Variants in CHAT observed in about 807,000 individuals in gnomAD.
CHAT encodes the protein choline O-acetyltransferase.
A neutral mutation model predicts 76.9 loss-of-function variants in CHAT; 61 were observed. The ratio of observed to expected loss-of-function variants is 0.79; its 90% CI spans 0.65 to 0.98. The LOEUF (loss-of-function observed/expected upper bound fraction) is 0.98, where lower values mean the gene tolerates loss of function less well. Ranked by LOEUF, CHAT falls within the 50% of genes least tolerant of loss-of-function variation. The pLI is 0.00. For synonymous variants in CHAT, 407 were observed against 397.4 expected (o/e 1.02, Z -0.29); for missense variants, 946 against 986.9 (o/e 0.96, Z 0.56).
intron 10 of CHAT, among the ~76,000 whole-genome samples, chr10:49,649,887 T>C (rs1009296991): frequency 6.8e-6 from 1 of 147,694 alleles, no homozygotes; most frequent in East Asian, 2.0e-4. Context: ...TTTTTTTTTT[T>C]TTTTTTTCAG....
intron 7 of CHAT, among the ~76,000 whole-genome samples, chr10:49,633,392 C>T (rs527990950): frequency 1.8e-4 from 27 of 152,104 alleles, no homozygotes; most frequent in Non-Finnish European, 4.0e-4. Context: ...GTTACACCTG[C>T]GAGGTGGGAT....
At chr10:49,636,203 A>C (rs541857744) in intron 7 of CHAT, among the ~76,000 whole-genome samples, 1 of 152,182 alleles carries the variant, frequency 6.6e-6, no homozygotes, top group South Asian at 2.1e-4. Flanking sequence ...CTAGTTCAAT[A>C]AGAGATTTTA....
chr10:49,611,952 G>A, upstream of CHAT: 1 of 1,612,520 alleles, frequency 6.2e-7, no homozygotes, highest in South Asian at 1.1e-5. Flanking sequence ...TGCTGCCCAC[G>A]CTCGCCTTCC....
intron 7 of CHAT, among the ~76,000 whole-genome samples, chr10:49,633,345 CT>C (rs1839188206): frequency 6.6e-6 from 1 of 152,210 alleles, no homozygotes; most frequent in Non-Finnish European, 1.5e-5. Context: ...CCAGGTCCCC[CT>C]CTGGCTTGCT....
intron 7 of CHAT, among the ~76,000 whole-genome samples, chr10:49,640,895 T>G (rs1839457592): frequency 6.6e-6 from 1 of 152,256 alleles, no homozygotes; most frequent in African/African-American, 2.4e-5. Context: ...TTTACGTTGC[T>G]GGGTTCTTCA....
intron 7 of CHAT, among the ~76,000 whole-genome samples, chr10:49,636,203 A>G (rs541857744): frequency 6.6e-6 from 1 of 152,300 alleles, no homozygotes; most frequent in Admixed American, 6.5e-5. Context: ...CTAGTTCAAT[A>G]AGAGATTTTA....
chr10:49,617,720 C>T (rs553925367), intron 2 of CHAT, among the ~76,000 whole-genome samples: 1 of 152,192 alleles, frequency 6.6e-6, no homozygotes, highest in East Asian at 1.9e-4. Context: ...GGTGCTCACC[C>T]ACCCATCACA....
rs1037559995 is a variant in CHAT at position 49,666,264 on chromosome 10, A to G, written c.*1218A>G. Reference sequence around the variant, plus strand: ...CAGCCCCAGCTCCAGCTCCAGCCCCAGCTCCAGCTCCAGCCCCAGCTCCAG... The same window carrying G: ...CAGCCCCAGCTCCAGCTCCAGCCCCGGCTCCAGCTCCAGCCCCAGCTCCAG... On this transcript the variant is annotated 3_prime_UTR_variant, in exon 15 of 15. Transcript: ENST00000337653. Among the ~76,000 whole-genome samples the G allele has an allele frequency of 2.6e-5, 4 of 152,216 alleles. No homozygotes were observed. The highest frequency in any genetic ancestry group is 9.6e-5 in the African/African-American group (4 of 41,554).
intron 13 of CHAT, among the ~76,000 whole-genome samples, chr10:49,657,892 T>G (rs969677217): frequency 7.9e-5 from 12 of 152,352 alleles, no homozygotes; most frequent in African/African-American, 2.9e-4. Context: ...CATTTTAATA[T>G]TGAAGAAGAG....
chr10:49,633,991 T>C (rs2132756310), intron 7 of CHAT, among the ~76,000 whole-genome samples: 1 of 152,354 alleles, frequency 6.6e-6, no homozygotes, highest in South Asian at 2.1e-4. Context: ...CATCCAGAGC[T>C]AGGCATGTCT....
At chr10:49,611,344 G>A (rs1350019805), upstream of CHAT, 16 of 1,602,040 alleles carry the variant, frequency 1.0e-5, no homozygotes, top group Non-Finnish European at 1.4e-5. Flanking sequence ...CATGATCGCC[G>A]ATAAGTACCC....
At chr10:49,660,723 G>T (rs1840168311) in intron 13 of CHAT, among the ~76,000 whole-genome samples, 4 of 152,112 alleles carry the variant, frequency 2.6e-5, no homozygotes, top group Admixed American at 2.0e-4. Flanking sequence ...ACCCTCCAAA[G>T]CATTGCCATA....
At chr10:49,625,449 T>G in intron 5 of CHAT, 24 bp from the exon 6 acceptor site, 1 of 1,611,072 alleles carries the variant, frequency 6.2e-7, no homozygotes, top group Non-Finnish European at 8.5e-7. Context: ...CGTGGCTGCC[T>G]CCCTTCCCAC....
intron 4 of CHAT, among the ~76,000 whole-genome samples, chr10:49,621,486 A>C (rs1251085643): frequency 6.6e-6 from 1 of 152,204 alleles, no homozygotes; most frequent in Non-Finnish European, 1.5e-5. Context: ...CTGGTATGAC[A>C]GTTCCCGCTG....
chr10:49,640,473 G>C (rs1427324535), intron 7 of CHAT, among the ~76,000 whole-genome samples: 2 of 150,206 alleles, frequency 1.3e-5, no homozygotes, highest in Non-Finnish European at 3.0e-5. Flanking sequence ...GACACCCTGG[G>C]GGAGGGGACT....
intron 1 of CHAT, 97 bp downstream of exon 1, chr10:49,614,572 G>GC: frequency 1.4e-6 from 1 of 702,962 alleles, no homozygotes; most frequent in Non-Finnish European, 2.2e-6. Context: ...GGGCCGAGAG[G>GC]CCCCAGGACT....
At chr10:49,620,653 A>G in intron 4 of CHAT, 40 bp downstream of exon 4, 1 of 1,517,540 alleles carries the variant, frequency 6.6e-7, no homozygotes, top group Non-Finnish European at 9.1e-7. Flanking sequence ...CTGGGGACCC[A>G]CCCAAGGCAG....
At chr10:49,622,535 G>C (rs1289102993) in intron 5 of CHAT, among the ~76,000 whole-genome samples, 3 of 152,216 alleles carry the variant, frequency 2.0e-5, no homozygotes, top group Admixed American at 6.5e-5. Flanking sequence ...TCCAGCGGGA[G>C]ACTGTATCCT....
At chr10:49,625,954 C>T (rs139070642) in intron 6 of CHAT, among the ~76,000 whole-genome samples, 1 of 152,212 alleles carries the variant, frequency 6.6e-6, no homozygotes, top group Non-Finnish European at 1.5e-5. Context: ...TCCATGCAGT[C>T]ACCCAGGCTC....
Sources: allele counts gnomAD v4.1 joint callset (sites outside exome capture counted in the v4.1 genomes callset), GRCh38; gene constraint gnomAD v4.1.1; transcripts MANE v1.5; gene names NCBI Gene and HGNC (gene_info 2026-07-23, HGNC 2026-07-21).